CCSER1: variants seen among roughly 807,000 people sequenced by gnomAD.
CCSER1 encodes coiled-coil serine rich protein 1.
Under a neutral mutation model 82.0 loss-of-function variants are expected in CCSER1, and 41 were observed. The ratio of observed to expected loss-of-function variants is 0.50; its 90% CI spans 0.39 to 0.65. The LOEUF (loss-of-function observed/expected upper bound fraction) is 0.65. Ranked by LOEUF, CCSER1 falls within the 30% of genes least tolerant of loss-of-function variation. The probability of loss-of-function intolerance (pLI) is 0.00; values close to 1 mark genes in which losing one functional copy is unlikely to be tolerated. For synonymous variants in CCSER1, 414 were observed against 383.9 expected, an observed-to-expected ratio of 1.08 and a Z score of -0.92; for missense variants, 1,119 against 1,064.2, an observed-to-expected ratio of 1.05 and a Z score of -0.72.
At chr4:90,492,077 G>A (rs1768120742) in intron 5 of CCSER1, among the ~76,000 whole-genome samples, 2 of 152,146 alleles carry the variant, frequency 1.3e-5, no homozygotes, top group African/African-American at 2.4e-5. Context: ...GATTGGAATA[G>A]TTTCAGAAGG....
chr4:91,088,359 A>C (rs971507906), intron 10 of CCSER1, among the ~76,000 whole-genome samples: 1 of 152,176 alleles, frequency 6.6e-6, no homozygotes, highest in South Asian at 2.1e-4. Context: ...TACTTATTGA[A>C]GTAATGAAAA....
chr4:90,569,332 G>T (rs918142686), intron 5 of CCSER1, among the ~76,000 whole-genome samples: 1 of 152,148 alleles, frequency 6.6e-6, no homozygotes, highest in Admixed American at 6.5e-5. Context: ...GTGGCCTGAA[G>T]CTCTGGACTG....
At chr4:90,950,514 ACGTGCACG>A (rs1732784007) in intron 9 of CCSER1, among the ~76,000 whole-genome samples, 1 of 150,806 alleles carries the variant, frequency 6.6e-6, no homozygotes, top group Non-Finnish European at 1.5e-5. Flanking sequence ...ATACACACAC[ACGTGCACG>A]CGTGCACACA....
At chr4:90,574,351 C>T (rs1780482230) in intron 5 of CCSER1, among the ~76,000 whole-genome samples, 1 of 148,162 alleles carries the variant, frequency 6.7e-6, no homozygotes, top group East Asian at 2.0e-4. Flanking sequence ...TCACTGCAAG[C>T]TCCGCTTCCC....
chr4:91,565,433 A>T (rs928127955), intron 10 of CCSER1, among the ~76,000 whole-genome samples: 3 of 152,058 alleles, frequency 2.0e-5, no homozygotes, highest in African/African-American at 7.2e-5. Flanking sequence ...TAGTTTTATG[A>T]AGAATATCAT....
chr4:91,516,907 A>C (rs760381369), intron 10 of CCSER1, among the ~76,000 whole-genome samples: 5 of 152,124 alleles, frequency 3.3e-5, no homozygotes, highest in Non-Finnish European at 7.4e-5. Flanking sequence ...TTCTCATTGC[A>C]GAGATTTTTC....
At chr4:90,171,643 G>A (rs1309111921) in intron 1 of CCSER1, among the ~76,000 whole-genome samples, 2 of 151,798 alleles carry the variant, frequency 1.3e-5, no homozygotes, top group African/African-American at 4.8e-5. Flanking sequence ...CAGTCTGTGG[G>A]GATTAGTATA....
chr4:90,244,343 T>C (rs1312305955), intron 1 of CCSER1, among the ~76,000 whole-genome samples: 1 of 152,210 alleles, frequency 6.6e-6, no homozygotes, highest in Non-Finnish European at 1.5e-5. Flanking sequence ...TATTACATTC[T>C]CATCAGTAAG....
chr4:90,997,452 T>C (rs1223983169), intron 9 of CCSER1, among the ~76,000 whole-genome samples: 2 of 152,196 alleles, frequency 1.3e-5, no homozygotes, highest in African/African-American at 4.8e-5. Context: ...GGGTTCTTAA[T>C]TTGATCACTT....
At chr4:91,311,314 A>G (rs1745460134) in intron 10 of CCSER1, among the ~76,000 whole-genome samples, 1 of 151,958 alleles carries the variant, frequency 6.6e-6, no homozygotes, top group Non-Finnish European at 1.5e-5. Flanking sequence ...AGTTATCTGC[A>G]TTTAGTTATT....
intron 10 of CCSER1, among the ~76,000 whole-genome samples, chr4:91,484,052 C>G (rs1287525923): frequency 1.4e-5 from 1 of 71,820 alleles, no homozygotes; most frequent in Non-Finnish European, 3.0e-5. Flanking sequence ...TCTGCCTATT[C>G]TCTAAAAAAA....
chr4:90,887,397 C>T (rs1485456451), intron 8 of CCSER1, among the ~76,000 whole-genome samples: 1 of 152,108 alleles, frequency 6.6e-6, no homozygotes, highest in East Asian at 1.9e-4. Flanking sequence ...CAAAATGATT[C>T]CAGTGCATTT....
intron 8 of CCSER1, among the ~76,000 whole-genome samples, chr4:90,884,176 C>G (rs1304177757): frequency 4.6e-5 from 7 of 152,048 alleles, no homozygotes; most frequent in Admixed American, 1.3e-4. Context: ...GAATTTGGGA[C>G]TTGTAGACCC....
At chr4:90,408,095 C>T (rs1220600281) in intron 4 of CCSER1, among the ~76,000 whole-genome samples, 1 of 152,200 alleles carries the variant, frequency 6.6e-6, no homozygotes, top group Non-Finnish European at 1.5e-5. Flanking sequence ...GGAGGGGCAC[C>T]CGCCATTGCC....
At chr4:90,303,717 T>G (rs202181276) in intron 1 of CCSER1, among the ~76,000 whole-genome samples, 4 of 152,156 alleles carry the variant, frequency 2.6e-5, no homozygotes, top group Admixed American at 1.3e-4. Flanking sequence ...AACCTAGGCA[T>G]TACCATTCAG....
intron 10 of CCSER1, among the ~76,000 whole-genome samples, chr4:91,237,976 T>C (rs1739146411): frequency 6.6e-6 from 1 of 152,192 alleles, no homozygotes; most frequent in Non-Finnish European, 1.5e-5. Context: ...ATTTATATTA[T>C]GTGTCAGGAA....
intron 10 of CCSER1, among the ~76,000 whole-genome samples, chr4:91,171,355 G>A (rs1732735049): frequency 6.6e-6 from 1 of 152,102 alleles, no homozygotes; most frequent in African/African-American, 2.4e-5. Context: ...CTTAGCAAAC[G>A]ATATCAGCAG....
chr4:90,949,460 GGT>G (rs1732648598), intron 9 of CCSER1, among the ~76,000 whole-genome samples: 1 of 152,024 alleles, frequency 6.6e-6, no homozygotes, highest in African/African-American at 2.4e-5. Flanking sequence ...GAGTGTGTAG[GGT>G]GTGTCACAAT....
intron 10 of CCSER1, among the ~76,000 whole-genome samples, chr4:91,586,463 C>G (rs1031182906): frequency 3.3e-5 from 5 of 151,368 alleles, no homozygotes; most frequent in Non-Finnish European, 7.4e-5. Context: ...GTAGTTGTGA[C>G]CAGAGAAACA....
Sources: gnomAD v4.1 joint callset for allele counts (sites outside exome capture counted in the v4.1 genomes callset) on GRCh38, gnomAD v4.1.1 for gene constraint, MANE v1.5 for transcripts, NCBI Gene and HGNC (gene_info 2026-07-23, HGNC 2026-07-21) for gene names.